Variants in SSH2 observed in about 807,000 individuals in gnomAD.
SSH2 encodes protein phosphatase Slingshot homolog 2.
Under a neutral mutation model 135.2 loss-of-function variants are expected in SSH2, and 37 were observed. The ratio of observed to expected loss-of-function variants is 0.27; its 90% CI spans 0.21 to 0.36. The LOEUF is 0.36. Ranked by LOEUF, SSH2 falls within the 10% of genes least tolerant of loss-of-function variation. The pLI, the probability that SSH2 is intolerant of heterozygous loss-of-function variation, is 1.00. For synonymous variants in SSH2, 628 were observed against 646.2 expected (o/e 0.97, Z 0.43); for missense variants, 1,408 against 1,765.3 (o/e 0.80, Z 3.63).
chr17:29,843,458 G>A (rs764760009), intron 2 of SSH2, among the ~76,000 whole-genome samples: 2 of 152,062 alleles, frequency 1.3e-5, no homozygotes, highest in Non-Finnish European at 2.9e-5. Context: ...TCAAGAGACT[G>A]AGGCATGAGA....
At chr17:29,758,829 G>C (rs2041206357) in intron 3 of SSH2, among the ~76,000 whole-genome samples, 1 of 152,086 alleles carries the variant, frequency 6.6e-6, no homozygotes, top group African/African-American at 2.4e-5. Flanking sequence ...GCTCACTGCA[G>C]CCTTGAACTC....
Position 29,655,616 on chromosome 17 carries a change from C to A in SSH2, c.1033-9G>T. The A allele has an allele frequency of 6.2e-7, 1 of 1,613,300 alleles. No homozygotes were observed. Among genetic ancestry groups the A allele is most frequent in the Non-Finnish European group, 8.5e-7 (1 of 1,179,502 alleles). On this transcript the variant is annotated splice_polypyrimidine_tract_variant and intron_variant, in intron 11 of 15. Transcript: ENST00000540801. ...GCATTCCATTCTGAGCCCTATGGAG[C>A]CAAAAAGACAAGGTTAAGGAGTATT...
intron 12 of SSH2, among the ~76,000 whole-genome samples, 155 bp downstream of exon 12, chr17:29,655,406 C>T (rs2036742944): frequency 6.6e-6 from 1 of 152,136 alleles, no homozygotes; most frequent in African/African-American, 2.4e-5. Flanking sequence ...CCCGGCCCAG[C>T]TATTTTTATT....
intron 1 of SSH2, among the ~76,000 whole-genome samples, chr17:29,909,857 C>T (rs974348500): frequency 2.0e-5 from 3 of 152,186 alleles, no homozygotes; most frequent in African/African-American, 4.8e-5. Flanking sequence ...GGTACAAGTA[C>T]GACTTTATTT....
intron 3 of SSH2, among the ~76,000 whole-genome samples, chr17:29,728,103 C>T (rs1441493099): frequency 6.6e-6 from 1 of 152,100 alleles, no homozygotes; most frequent in Non-Finnish European, 1.5e-5. Flanking sequence ...GCTGGGATTA[C>T]AGGAATGAGC....
intron 3 of SSH2, among the ~76,000 whole-genome samples, chr17:29,762,916 TTAA>T (rs1355803176): frequency 2.6e-5 from 4 of 152,186 alleles, no homozygotes; most frequent in Admixed American, 2.6e-4. Flanking sequence ...GAGTCAGAAA[TTAA>T]TAATAATTTC....
intron 3 of SSH2, among the ~76,000 whole-genome samples, chr17:29,716,086 C>T (rs970776856): frequency 2.0e-5 from 3 of 152,180 alleles, no homozygotes; most frequent in Non-Finnish European, 4.4e-5. Context: ...TTTCTCCAAT[C>T]TGAGAGAATG....
chr17:29,670,811 A>G (rs184650192), intron 9 of SSH2, among the ~76,000 whole-genome samples: 1 of 152,094 alleles, frequency 6.6e-6, no homozygotes, highest in Non-Finnish European at 1.5e-5. Flanking sequence ...GTTAAAAAAA[A>G]CCCAAAAACC....
chr17:29,783,512 G>A (rs2041889089), intron 3 of SSH2, among the ~76,000 whole-genome samples: 3 of 151,886 alleles, frequency 2.0e-5, no homozygotes, highest in Admixed American at 6.6e-5. Context: ...GATGTAGGCT[G>A]GGAGCTAGGC....
intron 1 of SSH2, among the ~76,000 whole-genome samples, chr17:29,851,523 T>G (rs975924726): frequency 7.2e-5 from 11 of 151,794 alleles, no homozygotes; most frequent in Non-Finnish European, 1.6e-4. Flanking sequence ...ACCCAGGTGG[T>G]GGAGGTTACA....
rs184613173 is a variant in SSH2 at position 29,631,417 on chromosome 17, C to G, written c.3777G>C (p.Lys1259Asn). Residue 1259 changes from lysine (K) to asparagine (N), a missense_variant, in exon 16 of 16, where the codon AAG becomes AAC. This residue lies in a region of SSH2 where 1,080 missense variants were observed against 1,144.5 expected (regional missense o/e 0.94). Coordinates refer to ENST00000540801, the MANE Select transcript of SSH2 (RefSeq NM_001282129.2). ...KSLSHSPGVVKERAKEIESRV... is the reference protein window; with the variant it reads ...KSLSHSPGVVNERAKEIESRV... ...GAGACTCGATTTCTTTAGCACGCTC[C>G]TTCACCACACCGGGGCTGTGGCTGA... is the stretch of plus-strand genomic sequence containing the variant. 6.2e-7 allele frequency: 1 copy of G among 1,614,154 alleles called. No homozygotes were observed. Among genetic ancestry groups the G allele is most frequent in the African/African-American group, 1.3e-5 (1 of 75,026 alleles).
At chr17:29,768,935 C>A (rs944801095) in intron 3 of SSH2, among the ~76,000 whole-genome samples, 7 of 152,042 alleles carry the variant, frequency 4.6e-5, no homozygotes, top group Non-Finnish European at 7.4e-5. Flanking sequence ...GTTTACATGG[C>A]CAGGTGTGGT....
At chr17:29,754,452 C>A (rs2151238189) in intron 3 of SSH2, among the ~76,000 whole-genome samples, 1 of 152,260 alleles carries the variant, frequency 6.6e-6, no homozygotes, top group South Asian at 2.1e-4. Flanking sequence ...CAATATGCTC[C>A]TCTACTGCTG....
intron 3 of SSH2, among the ~76,000 whole-genome samples, chr17:29,708,376 T>C (rs977202830): frequency 6.6e-6 from 1 of 151,816 alleles, no homozygotes; most frequent in East Asian, 1.9e-4. Flanking sequence ...TCACCTGAGG[T>C]CAGGAGTTCG....
At chr17:29,702,897 C>CT in intron 4 of SSH2, 62 bp downstream of exon 4, 1 of 1,276,538 alleles carries the variant, frequency 7.8e-7, no homozygotes. Context: ...GGTAGTCAAC[C>CT]TTTTAGAATG....
At chr17:29,886,764 A>G (rs1302254105) in intron 1 of SSH2, among the ~76,000 whole-genome samples, 1 of 151,830 alleles carries the variant, frequency 6.6e-6, no homozygotes, top group Non-Finnish European at 1.5e-5. Flanking sequence ...AAAAAAAAAA[A>G]AGTTTGAAAA....
At chr17:29,684,454 G>A in intron 6 of SSH2, 109 bp downstream of exon 6, 3 of 1,091,690 alleles carry the variant, frequency 2.7e-6, no homozygotes, top group Non-Finnish European at 3.9e-6. Flanking sequence ...TCTAGTCTGG[G>A]CAACAGAGTG....
chr17:29,788,662 C>CCCTCTCTA (rs1366099912), intron 3 of SSH2, among the ~76,000 whole-genome samples: 1 of 150,910 alleles, frequency 6.6e-6, no homozygotes, highest in African/African-American at 2.5e-5. Flanking sequence ...CTCCCTCTCT[C>CCCTCTCTA]TATATATATC....
intron 3 of SSH2, among the ~76,000 whole-genome samples, chr17:29,710,556 C>T (rs1055143889): frequency 6.6e-6 from 1 of 152,206 alleles, no homozygotes; most frequent in African/African-American, 2.4e-5. Context: ...TTCTCTGCTT[C>T]GTTGTTTAAT....
Sources: allele counts gnomAD v4.1 joint callset (sites outside exome capture counted in the v4.1 genomes callset), GRCh38; gene constraint gnomAD v4.1.1; regional missense constraint gnomAD v4.1.1; transcripts MANE v1.5; gene names NCBI Gene and HGNC (gene_info 2026-07-23, HGNC 2026-07-21).